The following ASAP1 variants were observed in gnomAD, a reference collection of about 807,000 sequenced individuals.
The protein encoded by ASAP1 is arf-GAP with SH3 domain, ANK repeat and PH domain-containing protein 1.
ASAP1 carries 43 observed loss-of-function variants against 145.2 expected under a neutral mutation model. The ratio of observed to expected loss-of-function variants is 0.30; its 90% CI spans 0.23 to 0.38. The LOEUF is 0.38. Ranked by LOEUF, ASAP1 falls within the 10% of genes least tolerant of loss-of-function variation. ASAP1 has a pLI of 1.00. For synonymous variants in ASAP1, 546 were observed against 515.5 expected (o/e 1.06, Z -0.80); for missense variants, 1,018 against 1,355.3 (o/e 0.75, Z 3.91).
chr8:130,157,043 A>C (rs1206849520), intron 12 of ASAP1, among the ~76,000 whole-genome samples: 1 of 152,230 alleles, frequency 6.6e-6, no homozygotes, highest in African/African-American at 2.4e-5. Context: ...AATGGAACAC[A>C]ATATTAACTT....
chr8:130,071,047 A>AGAGAGAGAGAGAGAGAG (rs1491183461), intron 27 of ASAP1, among the ~76,000 whole-genome samples: 3 of 133,732 alleles, frequency 2.2e-5, no homozygotes, highest in Non-Finnish European at 3.2e-5. Flanking sequence ...AGAGAGAGAG[A>AGAGAGAGAGAGAGAGAG]AAGCAGAGTT....
intron 25 of ASAP1, among the ~76,000 whole-genome samples, chr8:130,080,848 G>T (rs927905115): frequency 6.6e-6 from 1 of 152,120 alleles, no homozygotes; most frequent in African/African-American, 2.4e-5. Flanking sequence ...AGCCAGGCTG[G>T]TCTAAAATTC....
chr8:130,113,659 A>C (rs1416453253), intron 23 of ASAP1, among the ~76,000 whole-genome samples: 1 of 152,216 alleles, frequency 6.6e-6, no homozygotes, highest in Non-Finnish European at 1.5e-5. Flanking sequence ...CTCAGTGAGA[A>C]CTGGGTTTAA....
At chr8:130,302,062 GAGAA>G (rs1282308428) in intron 3 of ASAP1, among the ~76,000 whole-genome samples, 1 of 152,226 alleles carries the variant, frequency 6.6e-6, no homozygotes, top group African/African-American at 2.4e-5. Flanking sequence ...TCCAAAAGGA[GAGAA>G]AGACAGGTAA....
At chr8:130,161,839 T>C (rs997405923) in intron 11 of ASAP1, among the ~76,000 whole-genome samples, 2 of 152,336 alleles carry the variant, frequency 1.3e-5, no homozygotes, top group Non-Finnish European at 2.9e-5. Flanking sequence ...TCTTGCTTTG[T>C]TGCCCAGGCT....
chr8:130,235,644 T>C (rs1003724987), intron 4 of ASAP1, among the ~76,000 whole-genome samples: 2 of 152,194 alleles, frequency 1.3e-5, no homozygotes, highest in African/African-American at 4.8e-5. Context: ...TCTACCTTAA[T>C]GAGAAGTTAG....
At chr8:130,104,195 T>C (rs2097533351) in intron 24 of ASAP1, among the ~76,000 whole-genome samples, 1 of 152,248 alleles carries the variant, frequency 6.6e-6, no homozygotes, top group African/African-American at 2.4e-5. Flanking sequence ...CCTCCCCATC[T>C]AATTAGGAAT....
chr8:130,389,773 T>G (rs1252965645), intron 2 of ASAP1, among the ~76,000 whole-genome samples: 1 of 152,180 alleles, frequency 6.6e-6, no homozygotes, highest in Non-Finnish European at 1.5e-5. Context: ...CAGTCACGGC[T>G]CACTGCGGCC....
intron 3 of ASAP1, among the ~76,000 whole-genome samples, chr8:130,306,349 G>C (rs1367926323): frequency 6.6e-6 from 1 of 152,148 alleles, no homozygotes; most frequent in Non-Finnish European, 1.5e-5. Context: ...ATGCACATAA[G>C]TGACTTCTTT....
chr8:130,351,426 T>A (rs996921931), intron 3 of ASAP1, among the ~76,000 whole-genome samples: 2 of 152,218 alleles, frequency 1.3e-5, no homozygotes, highest in Non-Finnish European at 1.5e-5. Context: ...ATGTTTTTTT[T>A]AAATCCAAAG....
chr8:130,134,953 T>G (rs1346407533), intron 14 of ASAP1, among the ~76,000 whole-genome samples: 1 of 152,150 alleles, frequency 6.6e-6, no homozygotes, highest in East Asian at 1.9e-4. Context: ...CCCCAGATGT[T>G]GGGGCTGCTC....
intron 3 of ASAP1, among the ~76,000 whole-genome samples, chr8:130,243,717 G>A (rs1292187112): frequency 1.3e-5 from 2 of 152,076 alleles, no homozygotes; most frequent in Non-Finnish European, 2.9e-5. Flanking sequence ...ATCTAAACGG[G>A]CCTAGCTTGT....
rs1345720306 is a variant in ASAP1 at position 130,118,261 on chromosome 8, A to G, written c.1795-15T>C. 1.2e-6 allele frequency: 2 copies of G among 1,612,378 alleles called. No individual in the cohort carries two copies. The highest frequency in any genetic ancestry group is 3.3e-5 in the Admixed American group (2 of 59,908). On this transcript the variant is annotated splice_polypyrimidine_tract_variant and intron_variant, in intron 19 of 29. Coordinates refer to ENST00000518721, the MANE Select transcript of ASAP1 (RefSeq NM_018482.4). Reference sequence around the variant, plus strand: ...TCCCCAAGCTCCTAAAAAGGGAAAGAAAAGTATAAGTAAGTCAATAATATG... The same window carrying G: ...TCCCCAAGCTCCTAAAAAGGGAAAGGAAAGTATAAGTAAGTCAATAATATG...
intron 5 of ASAP1, among the ~76,000 whole-genome samples, chr8:130,212,860 T>C (rs984310214): frequency 6.6e-6 from 1 of 152,176 alleles, no homozygotes; most frequent in Non-Finnish European, 1.5e-5. Flanking sequence ...CCAGGAACCT[T>C]GGAGGTGATG....
At chr8:130,121,499 A>AGGCT (rs2097565789) in intron 18 of ASAP1, among the ~76,000 whole-genome samples, 1 of 152,098 alleles carries the variant, frequency 6.6e-6, no homozygotes, top group Non-Finnish European at 1.5e-5. Flanking sequence ...TCAGTTTAAG[A>AGGCT]GGCTGGGTGC....
intron 3 of ASAP1, among the ~76,000 whole-genome samples, chr8:130,322,603 T>G (rs962114996): frequency 6.6e-6 from 1 of 152,220 alleles, no homozygotes; most frequent in African/African-American, 2.4e-5. Context: ...ACAATTCCTT[T>G]GTACTTAATG....
chr8:130,122,567 A>G (rs1389542084), intron 18 of ASAP1, among the ~76,000 whole-genome samples: 1 of 152,210 alleles, frequency 6.6e-6, no homozygotes, highest in Non-Finnish European at 1.5e-5. Flanking sequence ...CTTAATTGTC[A>G]CCACAACCCT....
chr8:130,089,608 T>C (rs1460626645), intron 25 of ASAP1, among the ~76,000 whole-genome samples: 1 of 152,188 alleles, frequency 6.6e-6, no homozygotes, highest in African/African-American at 2.4e-5. Context: ...TGCCTTTGGC[T>C]TCTACAATAC....
At chr8:130,098,103 C>A (rs1489178967) in intron 24 of ASAP1, among the ~76,000 whole-genome samples, 1 of 152,058 alleles carries the variant, frequency 6.6e-6, no homozygotes, top group Non-Finnish European at 1.5e-5. Context: ...AAAATATTAT[C>A]ATTATTGTCA....
Sources: gnomAD v4.1 joint callset for allele counts (sites outside exome capture counted in the v4.1 genomes callset) on GRCh38, gnomAD v4.1.1 for gene constraint, MANE v1.5 for transcripts, NCBI Gene and HGNC (gene_info 2026-07-23, HGNC 2026-07-21) for gene names.